ZNF701: variants seen among roughly 807,000 people sequenced by gnomAD.
ZNF701 encodes zinc finger protein 701.
Under a neutral mutation model 7.1 loss-of-function variants are expected in ZNF701, and 6 were observed. The ratio of observed to expected loss-of-function variants is 0.84; its 90% CI spans 0.46 to 1.66. The LOEUF (loss-of-function observed/expected upper bound fraction) is 1.66. ZNF701 is among the 40% of genes most tolerant of loss of function. ZNF701 has a pLI of 0.01. For missense variants in ZNF701, 541 were observed against 559.2 expected, an observed-to-expected ratio of 0.97 and a Z score of 0.33; for synonymous variants, 166 against 188.2, an observed-to-expected ratio of 0.88 and a Z score of 0.97.
the ZNF701 span, chr19:52,595,943 C>T: frequency 6.2e-7 from 1 of 1,612,376 alleles, no homozygotes; most frequent in Non-Finnish European, 8.5e-7. Flanking sequence ...GTTTCAGACC[C>T]AAGGGAAAAT....
In ZNF701 at chr19:52,582,593, A is replaced by G. The variant is rs200543345; in HGVS notation, c.534A>G (p.Gln178=). ...ATGCTTTCTCAGTTTCAGCATCCCAACGAATTTCCTGTAGGCCAAAAACTC... is the reference window on the plus strand; with the variant it reads ...ATGCTTTCTCAGTTTCAGCATCCCAGCGAATTTCCTGTAGGCCAAAAACTC... ...INDAFSVSAS[Q]RISCRPKTRI... The change falls in exon 4 of 4, where the codon CAA becomes CAG. Residue 178 remains glutamine, a synonymous_variant. Coordinates refer to ENST00000391785, the MANE Select transcript of ZNF701 (RefSeq NM_018260.3). 2.5e-5 allele frequency: 40 copies of G among 1,614,220 alleles called. No individual in the cohort carries two copies. The East Asian group carries it at 6.0e-4, about 24-fold the overall frequency.
chr19:52,590,321 C>A (rs1310078132), downstream of ZNF701, among the ~76,000 whole-genome samples: 1 of 151,786 alleles, frequency 6.6e-6, no homozygotes, highest in Non-Finnish European at 1.5e-5. Flanking sequence ...GGCTGTTCTG[C>A]AAACTCCTGA....
chr19:52,590,227 A>G (rs2060031844), downstream of ZNF701, among the ~76,000 whole-genome samples: 1 of 151,308 alleles, frequency 6.6e-6, no homozygotes, highest in Non-Finnish European at 1.5e-5. Flanking sequence ...CAGCCTCTAG[A>G]GTAGCTGGGA....
At chr19:52,571,863 G>A (rs749815335) in intron 1 of ZNF701, among the ~76,000 whole-genome samples, 5 of 151,400 alleles carry the variant, frequency 3.3e-5, no homozygotes, top group Admixed American at 1.3e-4. Context: ...CGCTCTTGTT[G>A]CCCGTGCTGG....
At chr19:52,570,755 C>G (rs1434542071) in intron 1 of ZNF701, 1 of 152,274 alleles carries the variant, frequency 6.6e-6, no homozygotes, top group African/African-American at 2.4e-5. Context: ...CTTGTGGACC[C>G]CACCGAAGGC....
At position 52,587,096 on chromosome 19, in the gene ZNF701, T is replaced by C. The variant is rs3338; in HGVS notation, c.*3639T>C. Reference sequence around the variant, plus strand: ...CAGTCCTACACATCTCAGATGAGGGTGACAGTGTACTTCTGGGTGCTTAGC... The same window carrying C: ...CAGTCCTACACATCTCAGATGAGGGCGACAGTGTACTTCTGGGTGCTTAGC... On this transcript the variant is annotated 3_prime_UTR_variant, in exon 4 of 4. Coordinates refer to ENST00000391785, the MANE Select transcript of ZNF701 (RefSeq NM_018260.3). The C allele has an allele frequency of 0.31, 46,618 of 152,104 alleles. 7,957 individuals are homozygous for C. Among genetic ancestry groups the C allele is most frequent in the South Asian group, 0.39 (1,890 of 4,820 alleles). 9.4% of individuals were successfully genotyped at this position (152,104 alleles called of 1,614,324 possible). A position where few individuals can be genotyped will look rare whatever the true frequency, so the allele number is the denominator to read the frequency against.
the ZNF701 span, among the ~76,000 whole-genome samples, chr19:52,599,502 C>T: frequency 4.6e-5 from 7 of 152,122 alleles, no homozygotes; most frequent in African/African-American, 1.2e-4. Context: ...AAGACCTCCT[C>T]GGATCATTGT....
the ZNF701 span, chr19:52,595,918 G>A: frequency 6.2e-7 from 1 of 1,613,092 alleles, no homozygotes; most frequent in East Asian, 2.2e-5. Context: ...ATTCGCATCT[G>A]CCTGAACTCC....
downstream of ZNF701, chr19:52,588,495 AAAAG>A: frequency 3.8e-6 from 1 of 263,152 alleles, no homozygotes; most frequent in Non-Finnish European, 7.6e-6. Context: ...AAAAAAAAAA[AAAAG>A]AAAAATTAAA....
chr19:52,583,803 T>C lies in ZNF701; in HGVS notation c.*346T>C. ...AGGGAAACTTGACTAATGTAATGATTGTCACAAAGTCTTCAGTAATATTAC... is the reference window on the plus strand; with the variant it reads ...AGGGAAACTTGACTAATGTAATGATCGTCACAAAGTCTTCAGTAATATTAC... On this transcript the variant is annotated 3_prime_UTR_variant, in exon 4 of 4. Coordinates refer to ENST00000391785, the MANE Select transcript of ZNF701 (RefSeq NM_018260.3). 1.7e-6 allele frequency: 1 copy of C among 600,400 alleles called. No homozygotes were observed. Among genetic ancestry groups the C allele is most frequent in the East Asian group, 3.0e-5 (1 of 32,866 alleles). 37.2% of individuals were successfully genotyped at this position (600,400 alleles called of 1,614,324 possible).
intron 3 of ZNF701, 87 bp downstream of exon 3, chr19:52,576,108 G>T (rs1234062612): frequency 2.1e-5 from 33 of 1,600,456 alleles, no homozygotes; most frequent in African/African-American, 2.7e-5. Context: ...CCACATCCTT[G>T]CTTGGCTAAA....
At chr19:52,597,368 C>T in the ZNF701 span, 7 of 538,466 alleles carry the variant, frequency 1.3e-5, no homozygotes, top group South Asian at 2.8e-5. Context: ...GCAAGGTCTT[C>T]AGTCTGTGGG....
the ZNF701 span, among the ~76,000 whole-genome samples, chr19:52,593,684 G>T: frequency 1.8e-5 from 2 of 113,638 alleles, 1 homozygote; most frequent in East Asian, 4.6e-4. Flanking sequence ...TATCAGACGG[G>T]GTGGCTGCCA....
chr19:52,579,303 G>T (rs1407509927), intron 3 of ZNF701, among the ~76,000 whole-genome samples: 1 of 140,976 alleles, frequency 7.1e-6, no homozygotes, highest in Non-Finnish European at 1.5e-5. Context: ...AAGGCGGGTG[G>T]ATCACCTGAG....
chr19:52,596,914 AACCTT>A, the ZNF701 span: 1 of 563,978 alleles, frequency 1.8e-6, no homozygotes, highest in East Asian at 4.5e-5. Flanking sequence ...ACTGGAGAGA[AACCTT>A]ACAAGTGTAA....
At chr19:52,593,776 G>A in the ZNF701 span, among the ~76,000 whole-genome samples, 1 of 112,576 alleles carries the variant, frequency 8.9e-6, no homozygotes, top group Non-Finnish European at 1.9e-5. Flanking sequence ...CAGGGCAGAG[G>A]TGCTCCCCAC....
chr19:52,595,888 TC>T, the ZNF701 span: 2 of 1,613,116 alleles, frequency 1.2e-6, no homozygotes, highest in Non-Finnish European at 1.7e-6. Flanking sequence ...CTATTAAAGA[TC>T]AGCTTGGATC....
intron 3 of ZNF701, among the ~76,000 whole-genome samples, chr19:52,576,952 A>G (rs112031381): frequency 0.11 from 16,284 of 152,204 alleles, 1,019 homozygotes; most frequent in Admixed American, 0.15. Flanking sequence ...GTAAGAGCTC[A>G]GATGGGCAGA....
chr19:52,572,122 C>T (rs1041793722), intron 1 of ZNF701: 17 of 303,686 alleles, frequency 5.6e-5, no homozygotes, highest in Non-Finnish European at 9.1e-5. Flanking sequence ...CGAGCCCGGC[C>T]TACTCACCAC....
Sources: allele counts gnomAD v4.1 joint callset (sites outside exome capture counted in the v4.1 genomes callset), GRCh38; gene constraint gnomAD v4.1.1; transcripts MANE v1.5; gene names NCBI Gene and HGNC (gene_info 2026-07-23, HGNC 2026-07-21).